SLCO3A1: variants seen among roughly 807,000 people sequenced by gnomAD.
SLCO3A1 encodes the protein PGE1 transporter.
SLCO3A1 carries 27 observed loss-of-function variants against 63.1 expected under a neutral mutation model. The observed-to-expected ratio is 0.43, with a 90% CI of 0.32 to 0.59. The LOEUF is 0.59. Among genes scored for constraint, SLCO3A1 ranks in the 20% least tolerant of loss-of-function variants. SLCO3A1 has a pLI of 0.09. For synonymous variants in SLCO3A1, 473 were observed against 409.9 expected (o/e 1.15, Z -1.86); for missense variants, 773 against 945.8 (o/e 0.82, Z 2.40).
intron 1 of SLCO3A1, among the ~76,000 whole-genome samples, chr15:91,881,681 A>G (rs929170346): frequency 6.6e-6 from 1 of 152,214 alleles, no homozygotes; most frequent in Non-Finnish European, 1.5e-5. Context: ...TCAGCGAGCC[A>G]GTCAGCACAT....
At chr15:92,135,305 C>T (rs2048043600) in intron 7 of SLCO3A1, among the ~76,000 whole-genome samples, 1 of 152,194 alleles carries the variant, frequency 6.6e-6, no homozygotes, top group East Asian at 1.9e-4. Flanking sequence ...TAAAAACCCC[C>T]TTCCTCCCCT....
rs191579282 is a variant in SLCO3A1 at position 91,872,071 on chromosome 15, A to T, written c.180+17983A>T. On this transcript the variant is annotated intron_variant, in intron 1 of 9. Transcript: ENST00000318445. The surrounding 1 kb of genome is among the most constrained non-coding windows in gnomAD (Gnocchi z 4.1). ...GAGTTCAAGGGATTGGTCACAAAAG[A>T]TGTGGGGAGTCAAATCCTCTGTGGA... Among the ~76,000 whole-genome samples the T allele has an allele frequency of 6.6e-6, 1 of 152,260 alleles. No individual in the cohort carries two copies. The highest frequency in any genetic ancestry group is 6.5e-5 in the Admixed American group (1 of 15,294).
chr15:92,044,074 G>A (rs1040713982), intron 2 of SLCO3A1, among the ~76,000 whole-genome samples: 2 of 152,136 alleles, frequency 1.3e-5, no homozygotes, highest in Non-Finnish European at 2.9e-5. Context: ...AACTGTATCT[G>A]GCAGCTTCAT....
rs954704789 is a variant in SLCO3A1, at chr15:91,903,943, G to T, written c.181-12050G>T. On this transcript the variant is annotated intron_variant, in intron 1 of 9. Coordinates refer to ENST00000318445, the MANE Select transcript of SLCO3A1 (RefSeq NM_013272.4). ...GGGTGTGCTTGTGGAGAGGGCAGGG[G>T]TGGAGCCGGTGGAGAGGGTGAGAGT... Among the ~76,000 whole-genome samples the T allele has an allele frequency of 1.0e-4, 15 of 150,464 alleles. No homozygotes were observed. In the South Asian group the frequency reaches 2.1e-3, roughly 21 times the overall value.
intron 7 of SLCO3A1, among the ~76,000 whole-genome samples, chr15:92,129,155 C>T (rs924049311): frequency 6.6e-6 from 1 of 152,206 alleles, no homozygotes; most frequent in African/African-American, 2.4e-5. Flanking sequence ...GCCCCGCCCC[C>T]ATCTCTTGCT....
chr15:91,926,107 T>C (rs772157637), intron 2 of SLCO3A1, among the ~76,000 whole-genome samples: 4 of 152,168 alleles, frequency 2.6e-5, no homozygotes, highest in Non-Finnish European at 5.9e-5. Context: ...TAACCACTCA[T>C]GAGACTCTGA....
intron 2 of SLCO3A1, among the ~76,000 whole-genome samples, chr15:91,931,008 T>C (rs1181946688): frequency 6.6e-6 from 1 of 152,118 alleles, no homozygotes; most frequent in Non-Finnish European, 1.5e-5. Flanking sequence ...AAGGGCAAAA[T>C]GAAATGAAAC....
At chr15:91,956,103 C>T (rs1013929245) in intron 2 of SLCO3A1, among the ~76,000 whole-genome samples, 4 of 152,030 alleles carry the variant, frequency 2.6e-5, no homozygotes, top group South Asian at 2.1e-4. Context: ...ATCCCCTGGG[C>T]GTGCACTGGG....
chr15:92,169,011 A>T (rs74466601), downstream of SLCO3A1, among the ~76,000 whole-genome samples: 1 of 152,184 alleles, frequency 6.6e-6, no homozygotes, highest in Non-Finnish European at 1.5e-5. Flanking sequence ...CCAACACAAA[A>T]CACTGGCACC....
At chr15:92,019,410 C>A (rs542265171) in intron 2 of SLCO3A1, among the ~76,000 whole-genome samples, 37 of 152,174 alleles carry the variant, frequency 2.4e-4, no homozygotes, top group Non-Finnish European at 4.1e-4. Context: ...GCTAAGTGTT[C>A]AGTAAATATT....
chr15:91,926,596 T>TGTGTGTGTGTATGTGTGTGC, intron 2 of SLCO3A1, among the ~76,000 whole-genome samples: 1 of 105,256 alleles, frequency 9.5e-6, no homozygotes, highest in African/African-American at 3.7e-5. Flanking sequence ...TGTGTGTGTG[T>TGTGTGTGTGTATGTGTGTGC]GCGCGCGCGC....
rs771208643 is a variant in SLCO3A1 at position 92,104,416 on chromosome 15, C to A, written c.883C>A (p.Pro295Thr). 1 of 1,614,120 alleles carries A rather than the reference C, an allele frequency of 6.2e-7. No individual in the cohort carries two copies. Among genetic ancestry groups the A allele is most frequent in the South Asian group, 1.1e-5 (1 of 91,076 alleles). The change falls in exon 4 of 10, where the codon CCC becomes ACC. Residue 295 changes from proline to threonine, a missense_variant. Transcript: ENST00000318445. ...FPQSLPPHSE[P>T]AMESEQAMLS... is the part of the protein sequence containing the mutation. ...ACAGTCCCTGCCCCCGCACTCAGAG[C>A]CCGCCATGGAAAGCGAGCAGGCCAT...
chr15:91,996,425 C>T (rs1010099299), intron 2 of SLCO3A1, among the ~76,000 whole-genome samples: 10 of 151,848 alleles, frequency 6.6e-5, no homozygotes, highest in African/African-American at 1.7e-4. Context: ...CCCAAATATA[C>T]CTGTAATTTC....
chr15:91,866,587 A>G (rs1224699673), intron 1 of SLCO3A1, among the ~76,000 whole-genome samples: 1 of 150,756 alleles, frequency 6.6e-6, no homozygotes, highest in African/African-American at 2.5e-5. Flanking sequence ...AAAAAAAAAA[A>G]AAAAGAAAAA....
chr15:92,154,510 C>T (rs1209898146), intron 9 of SLCO3A1, among the ~76,000 whole-genome samples: 2 of 152,184 alleles, frequency 1.3e-5, no homozygotes, highest in African/African-American at 2.4e-5. Flanking sequence ...GTCTGCCATA[C>T]TGGACAATGA....
At chr15:92,136,203 A>G (rs1464043461) in intron 7 of SLCO3A1, among the ~76,000 whole-genome samples, 1 of 152,222 alleles carries the variant, frequency 6.6e-6, no homozygotes, top group Non-Finnish European at 1.5e-5. Context: ...GCGATCCTCT[A>G]CCTTTCAAGT....
At chr15:92,005,473 C>T (rs536431933) in intron 2 of SLCO3A1, among the ~76,000 whole-genome samples, 2 of 152,278 alleles carry the variant, frequency 1.3e-5, no homozygotes, top group South Asian at 4.1e-4. Flanking sequence ...CTGGGTCTGG[C>T]GGGTAGGTGA....
intron 2 of SLCO3A1, among the ~76,000 whole-genome samples, chr15:92,004,887 G>A (rs986203868): frequency 1.3e-5 from 2 of 152,178 alleles, no homozygotes; most frequent in African/African-American, 4.8e-5. Context: ...CTGGCAGAGA[G>A]CAGAAGAACA....
At chr15:92,000,350 G>T (rs2046238731) in intron 2 of SLCO3A1, among the ~76,000 whole-genome samples, 1 of 151,598 alleles carries the variant, frequency 6.6e-6, no homozygotes, top group African/African-American at 2.4e-5. Flanking sequence ...AAGTTAAATT[G>T]AGCTGGAGCG....
Sources: gnomAD v4.1 joint callset for allele counts (sites outside exome capture counted in the v4.1 genomes callset) on GRCh38, gnomAD v4.1.1 for gene constraint, Gnocchi (gnomAD v3.1) non-coding constraint, MANE v1.5 for transcripts, NCBI Gene and HGNC (gene_info 2026-07-23, HGNC 2026-07-21) for gene names.